Variants in ARHGAP44 observed in about 807,000 individuals in gnomAD.
ARHGAP44 encodes the protein Rho GTPase activating protein 44.
A neutral mutation model predicts 106.8 loss-of-function variants in ARHGAP44; 43 were observed. The observed-to-expected ratio is 0.40, with a 90% confidence interval of 0.32 to 0.52. The LOEUF is 0.52. ARHGAP44 is among the 20% of genes least tolerant of loss of function. The probability of loss-of-function intolerance (pLI) is 0.48; values close to 1 mark genes in which losing one functional copy is unlikely to be tolerated. For missense variants in ARHGAP44, 866 were observed against 1,050.5 expected (o/e 0.82, Z 2.43); for synonymous variants, 439 against 410.3 (o/e 1.07, Z -0.85).
intron 6 of ARHGAP44, among the ~76,000 whole-genome samples, chr17:12,921,098 CTCT>C (rs2038070216): frequency 6.6e-6 from 1 of 151,966 alleles, no homozygotes; most frequent in Non-Finnish European, 1.5e-5. Context: ...TGAAGATTTG[CTCT>C]TGTCACCCAG....
Position 12,980,124 on chromosome 17 carries a change from C to T in ARHGAP44, c.1830C>T (p.Gly610=). The T allele has an allele frequency of 6.2e-7, 1 of 1,613,990 alleles. No individual in the cohort carries two copies. Among genetic ancestry groups the T allele is most frequent in the Non-Finnish European group, 8.5e-7 (1 of 1,179,876 alleles). The change falls in exon 19 of 21, where the codon GGC becomes GGT. Residue 610 remains glycine, a synonymous_variant. Transcript: ENST00000379672. ...AAGGAAGTCCAGGCTCCAGCCAGGGCACAGCCTGTGCAGGGACTCAACCAG... is the reference window on the plus strand; with the variant it reads ...AAGGAAGTCCAGGCTCCAGCCAGGGTACAGCCTGTGCAGGGACTCAACCAG... The part of the protein sequence containing the change: ...AQKGSPGSSQ[G]TACAGTQPGA...
Position 12,974,146 on chromosome 17 carries a change from T to A in ARHGAP44, c.1599T>A (p.Gly533=). Residue 533 remains glycine, a synonymous_variant, in exon 18 of 21, where the codon GGT becomes GGA. Transcript: ENST00000379672. ...TGGCTCGAAGAGGCTCCTCGGCCGG[T>A]CGGAAAGTGTCCTGCGCCCCGCCCT... ...NWVARRGSSA[G]RKVSCAPPSM... is the part of the protein sequence containing the mutation. The A allele has an allele frequency of 6.4e-7, 1 of 1,561,882 alleles. No individual in the cohort carries two copies. Among genetic ancestry groups the A allele is most frequent in the Non-Finnish European group, 8.7e-7 (1 of 1,153,636 alleles).
chr17:12,791,692 A>AG (rs2033765246), intron 1 of ARHGAP44, among the ~76,000 whole-genome samples: 1 of 152,092 alleles, frequency 6.6e-6, no homozygotes, highest in Non-Finnish European at 1.5e-5. Context: ...CAAAATGGTG[A>AG]GGGGAGGTTG....
At chr17:12,974,356 G>A in intron 18 of ARHGAP44, 46 bp downstream of exon 18, 4 of 1,344,132 alleles carry the variant, frequency 3.0e-6, no homozygotes, top group African/African-American at 1.5e-5. Context: ...GTGCGGTGCA[G>A]GGGGTGTCTG....
chr17:12,952,236 A>G (rs2143104843), intron 12 of ARHGAP44, among the ~76,000 whole-genome samples: 2 of 152,316 alleles, frequency 1.3e-5, no homozygotes, highest in South Asian at 4.1e-4. Flanking sequence ...TAGCCCTGCC[A>G]CACCAGAGCA....
chr17:12,987,038 T>G (rs1207041668), intron 20 of ARHGAP44: 99 of 1,191,264 alleles, frequency 8.3e-5, no homozygotes, highest in Non-Finnish European at 1.1e-4. Context: ...TTTTTTTTTT[T>G]GTGACGTTCA....
chr17:12,894,173 T>A (rs536163913), intron 1 of ARHGAP44, among the ~76,000 whole-genome samples: 2 of 152,320 alleles, frequency 1.3e-5, no homozygotes, highest in Non-Finnish European at 2.9e-5. Context: ...TCTGTACTCT[T>A]AAATCTTGAT....
chr17:12,843,294 C>A (rs1190701003), intron 1 of ARHGAP44, among the ~76,000 whole-genome samples: 1 of 152,190 alleles, frequency 6.6e-6, no homozygotes, highest in Non-Finnish European at 1.5e-5. Context: ...CCATCTGTAC[C>A]TAGCTACCTT....
intron 1 of ARHGAP44, among the ~76,000 whole-genome samples, chr17:12,793,007 C>T (rs1029698989): frequency 6.6e-6 from 1 of 152,232 alleles, no homozygotes; most frequent in African/African-American, 2.4e-5. Context: ...TCACTTCAAT[C>T]CGTCCTTTGG....
chr17:12,867,315 G>C (rs1235579288), intron 1 of ARHGAP44, among the ~76,000 whole-genome samples: 1 of 152,098 alleles, frequency 6.6e-6, no homozygotes, highest in Non-Finnish European at 1.5e-5. Context: ...GGGAAGAGCA[G>C]CCTTCCAAGC....
chr17:12,918,480 G>A (rs746201889), intron 5 of ARHGAP44, among the ~76,000 whole-genome samples: 14 of 151,952 alleles, frequency 9.2e-5, no homozygotes, highest in Non-Finnish European at 1.6e-4. Context: ...TCCTGCACTG[G>A]GATGTTCAGT....
At chr17:12,910,446 C>CTTT (rs3076662) in intron 4 of ARHGAP44, among the ~76,000 whole-genome samples, 57,693 of 93,606 alleles carry the variant, frequency 0.62, 18,915 homozygotes, top group East Asian at 0.88. Flanking sequence ...CTTATGTAGC[C>CTTT]TTTTTTTTTT....
Position 12,949,123 on chromosome 17 carries a change from C to A in ARHGAP44, c.862-17C>A. On this transcript the variant is annotated splice_polypyrimidine_tract_variant and intron_variant, in intron 10 of 20. Coordinates refer to ENST00000379672, the MANE Select transcript of ARHGAP44 (RefSeq NM_014859.6). The surrounding 1 kb of genome is among the most constrained non-coding windows in gnomAD (Gnocchi z 4.1). Reference sequence around the variant, plus strand: ...ACCTTGGAGTTGCTGTGCGCTGACCCTCTGTCCTGTTGGTAGGGACTCTTC... The same window carrying A: ...ACCTTGGAGTTGCTGTGCGCTGACCATCTGTCCTGTTGGTAGGGACTCTTC... 6.4e-7 allele frequency: 1 copy of A among 1,556,604 alleles called. No individual in the cohort carries two copies. Among genetic ancestry groups the A allele is most frequent in the Non-Finnish European group, 8.7e-7 (1 of 1,149,972 alleles).
At chr17:12,935,185 T>C (rs1473554855) in intron 7 of ARHGAP44, among the ~76,000 whole-genome samples, 1 of 152,146 alleles carries the variant, frequency 6.6e-6, no homozygotes, top group African/African-American at 2.4e-5. Flanking sequence ...TTGAAGATAA[T>C]AATAAAATAC....
chr17:12,861,101 C>T (rs2036058828), intron 1 of ARHGAP44, among the ~76,000 whole-genome samples: 2 of 152,006 alleles, frequency 1.3e-5, no homozygotes, highest in Non-Finnish European at 2.9e-5. Flanking sequence ...AATGATCTGC[C>T]CACCTCGCCC....
intron 5 of ARHGAP44, among the ~76,000 whole-genome samples, chr17:12,916,227 G>A (rs2150950455): frequency 6.6e-6 from 1 of 152,148 alleles, no homozygotes; most frequent in South Asian, 2.1e-4. Context: ...CTTCCCTGCA[G>A]GCATTCCTAG....
At position 12,974,140 on chromosome 17, in the gene ARHGAP44, G is replaced by C. The variant is rs755390538; in HGVS notation, c.1593G>C (p.Ser531=). The part of the protein sequence containing the change: ...DTNWVARRGS[S]AGRKVSCAPP... ...ACTGGGTGGCTCGAAGAGGCTCCTC[G>C]GCCGGTCGGAAAGTGTCCTGCGCCC... Residue 531 remains serine (S), a synonymous_variant, in exon 18 of 21, where the codon TCG becomes TCC. Transcript: ENST00000379672. 210 of 1,565,188 alleles carry C rather than the reference G, an allele frequency of 1.3e-4. No homozygotes were observed. The highest frequency in any genetic ancestry group is 3.6e-4 in the Admixed American group (19 of 52,774).
intron 18 of ARHGAP44, among the ~76,000 whole-genome samples, chr17:12,978,489 T>C (rs1046982373): frequency 6.6e-6 from 1 of 152,232 alleles, no homozygotes; most frequent in Admixed American, 6.5e-5. Flanking sequence ...CTTCCTTTTA[T>C]TTCTTTGCAT....
chr17:12,875,573 C>CA (rs1374962359), intron 1 of ARHGAP44, among the ~76,000 whole-genome samples: 3 of 151,976 alleles, frequency 2.0e-5, no homozygotes, highest in African/African-American at 7.3e-5. Flanking sequence ...GCCTGGGCAA[C>CA]AGAGCAATAC....
Sources: allele counts gnomAD v4.1 joint callset (sites outside exome capture counted in the v4.1 genomes callset), GRCh38; gene constraint gnomAD v4.1.1; non-coding constraint Gnocchi (gnomAD v3.1); transcripts MANE v1.5; gene names NCBI Gene and HGNC (gene_info 2026-07-23, HGNC 2026-07-21).